Variants in FANCC observed in about 807,000 individuals in gnomAD.
FANCC encodes the protein FA complementation group C.
FANCC carries 55 observed loss-of-function variants against 71.3 expected under a neutral mutation model. The ratio of observed to expected loss-of-function variants is 0.77; its 90% CI spans 0.62 to 0.97. The LOEUF (loss-of-function observed/expected upper bound fraction) is 0.97. FANCC is among the 50% of genes least tolerant of loss of function. The pLI, the probability that FANCC is intolerant of heterozygous loss-of-function variation, is 0.00. For synonymous variants in FANCC, 275 were observed against 244.9 expected (o/e 1.12, Z -1.15); for missense variants, 678 against 670.9 (o/e 1.01, Z -0.12).
chr9:95,316,179 G>C (rs1835728736), intron 1 of FANCC, among the ~76,000 whole-genome samples: 1 of 152,238 alleles, frequency 6.6e-6, no homozygotes, highest in Non-Finnish European at 1.5e-5. Flanking sequence ...ATTACTGGGA[G>C]TAGTGGGTTG....
chr9:95,142,927 A>T lies in FANCC; in HGVS notation c.686+6996T>A, dbSNP rs529637718. Among the ~76,000 whole-genome samples, 17 of 152,248 alleles carry T rather than the reference A, an allele frequency of 1.1e-4. No individual in the cohort carries two copies. The South Asian group carries it at 1.9e-3, about 17-fold the overall frequency. Reference sequence around the variant, plus strand: ...CTAGACACCAACTGGGTGTCCAGTGATTCAATTCTGACACCATCTGGCATT... The same window carrying T: ...CTAGACACCAACTGGGTGTCCAGTGTTTCAATTCTGACACCATCTGGCATT... On this transcript the variant is annotated intron_variant, in intron 7 of 14. Transcript: ENST00000289081.
chr9:95,261,691 C>T (rs775296926), intron 1 of FANCC, among the ~76,000 whole-genome samples: 3 of 152,110 alleles, frequency 2.0e-5, no homozygotes, highest in Non-Finnish European at 2.9e-5. Flanking sequence ...CTGTTAGATC[C>T]CTCAGTAAGT....
At chr9:95,174,497 C>T (rs1035368391) in intron 4 of FANCC, among the ~76,000 whole-genome samples, 1 of 151,830 alleles carries the variant, frequency 6.6e-6, no homozygotes, top group African/African-American at 2.4e-5. Context: ...ATAATAGTAC[C>T]ACCCTAGAGA....
At chr9:95,132,380 A>C (rs1371486100) in intron 8 of FANCC, among the ~76,000 whole-genome samples, 1 of 152,262 alleles carries the variant, frequency 6.6e-6, no homozygotes, top group Non-Finnish European at 1.5e-5. Flanking sequence ...AACAATGCCA[A>C]GAAGGCTGCA....
chr9:95,196,457 GTGTCTGTTTTAT>G (rs1157826073), intron 4 of FANCC, among the ~76,000 whole-genome samples: 1 of 152,092 alleles, frequency 6.6e-6, no homozygotes, highest in African/African-American at 2.4e-5. Context: ...GAGCCCCTAT[GTGTCTGTTTTAT>G]TGTCTGCTAT....
chr9:95,303,446 G>A (rs1834876213), intron 1 of FANCC, among the ~76,000 whole-genome samples: 1 of 152,298 alleles, frequency 6.6e-6, no homozygotes, highest in Admixed American at 6.5e-5. Flanking sequence ...TGAAGCTGAG[G>A]TCCTAGCTTG....
rs576195255 is a variant in FANCC, at chr9:95,183,060, C to T, written c.346-10913G>A. Among the ~76,000 whole-genome samples, 74 of 152,290 alleles carry T rather than the reference C, an allele frequency of 4.9e-4. 1 individual carries two copies. The highest frequency in any genetic ancestry group is 1.7e-3 in the African/African-American group (69 of 41,566). On this transcript the variant is annotated intron_variant, in intron 4 of 14. Coordinates refer to ENST00000289081, the MANE Select transcript of FANCC (RefSeq NM_000136.3). ...CCTGTGACTTGGTGACATCAGACTCCTGGCTGGTCACCAAATTCACCCAGC... is the reference window on the plus strand; with the variant it reads ...CCTGTGACTTGGTGACATCAGACTCTTGGCTGGTCACCAAATTCACCCAGC...
intron 1 of FANCC, chr9:95,294,803 A>G: frequency 6.5e-7 from 1 of 1,542,818 alleles, no homozygotes; most frequent in Non-Finnish European, 8.7e-7. Flanking sequence ...ACAGTCTCCA[A>G]CTTCTAAAAC....
intron 4 of FANCC, among the ~76,000 whole-genome samples, chr9:95,203,017 G>C (rs955918206): frequency 6.6e-6 from 1 of 152,148 alleles, no homozygotes; most frequent in Non-Finnish European, 1.5e-5. Flanking sequence ...ATAAGTAAAA[G>C]GGATCATAAC....
At chr9:95,274,685 C>A (rs1213072732) in intron 1 of FANCC, among the ~76,000 whole-genome samples, 1 of 152,172 alleles carries the variant, frequency 6.6e-6, no homozygotes, top group Non-Finnish European at 1.5e-5. Flanking sequence ...CATTCTAGCT[C>A]CAGTGTCTAG....
chr9:95,127,995 C>T (rs181292867), intron 8 of FANCC, among the ~76,000 whole-genome samples: 1 of 152,336 alleles, frequency 6.6e-6, no homozygotes, highest in African/African-American at 2.4e-5. Flanking sequence ...GCATTTTTAT[C>T]TAAAAGGAAC....
At chr9:95,229,047 C>T (rs904816351) in intron 4 of FANCC, among the ~76,000 whole-genome samples, 1 of 152,090 alleles carries the variant, frequency 6.6e-6, no homozygotes, top group African/African-American at 2.4e-5. Context: ...CCTGTAATCC[C>T]AACACTTTGG....
chr9:95,147,837 C>T (rs959384594), intron 7 of FANCC, among the ~76,000 whole-genome samples: 1 of 152,194 alleles, frequency 6.6e-6, no homozygotes, highest in African/African-American at 2.4e-5. Flanking sequence ...TTCTGCCTTA[C>T]AATAGAATCT....
At chr9:95,315,229 C>A (rs185783491) in intron 1 of FANCC, among the ~76,000 whole-genome samples, 1 of 152,114 alleles carries the variant, frequency 6.6e-6, no homozygotes, top group South Asian at 2.1e-4. Flanking sequence ...TGAATTGTTA[C>A]CAATTTTATT....
chr9:95,265,376 G>A (rs867610035), intron 1 of FANCC, among the ~76,000 whole-genome samples: 6 of 152,104 alleles, frequency 3.9e-5, no homozygotes, highest in African/African-American at 1.2e-4. Flanking sequence ...CTCAGCAATG[G>A]GGGGAGAGGA....
At chr9:95,119,948 G>A (rs2072738488) in intron 10 of FANCC, among the ~76,000 whole-genome samples, 1 of 152,124 alleles carries the variant, frequency 6.6e-6, no homozygotes, top group African/African-American at 2.4e-5. Flanking sequence ...CTGGGCTCAA[G>A]AGATCCTCCT....
intron 7 of FANCC, among the ~76,000 whole-genome samples, chr9:95,144,498 T>C (rs929414204): frequency 5.9e-5 from 9 of 151,996 alleles, no homozygotes; most frequent in Non-Finnish European, 8.8e-5. Flanking sequence ...AGAGCAGGAG[T>C]AGCTGTTCTC....
intron 1 of FANCC, among the ~76,000 whole-genome samples, chr9:95,308,505 C>T (rs562567109): frequency 2.1e-4 from 32 of 151,846 alleles, no homozygotes; most frequent in Non-Finnish European, 4.4e-4. Flanking sequence ...AGGCTGGAGT[C>T]GAACTCCTGA....
At chr9:95,116,697 T>C (rs1411404328) in intron 11 of FANCC, among the ~76,000 whole-genome samples, 1 of 152,218 alleles carries the variant, frequency 6.6e-6, no homozygotes, top group Admixed American at 6.5e-5. Context: ...AAATGTCTCC[T>C]AAGCGTGAGC....
Sources: gnomAD v4.1 joint callset for allele counts (sites outside exome capture counted in the v4.1 genomes callset) on GRCh38, gnomAD v4.1.1 for gene constraint, MANE v1.5 for transcripts, NCBI Gene and HGNC (gene_info 2026-07-23, HGNC 2026-07-21) for gene names.